ARV1: variants seen among roughly 807,000 people sequenced by gnomAD.
ARV1 encodes the protein ARV1 fatty acid homeostasis modulator.
Under a neutral mutation model 31.1 loss-of-function variants are expected in ARV1, and 26 were observed. The ratio of observed to expected loss-of-function variants is 0.84; its 90% CI spans 0.61 to 1.16. The LOEUF is 1.16. ARV1 is among the 50% of genes most tolerant of loss of function. The probability of loss-of-function intolerance (pLI) is 0.00; values close to 1 mark genes in which losing one functional copy is unlikely to be tolerated. For synonymous variants in ARV1, 117 were observed against 123.2 expected, an observed-to-expected ratio of 0.95 and a Z score of 0.34; for missense variants, 281 against 324.9, an observed-to-expected ratio of 0.86 and a Z score of 1.04.
chr1:230,985,789 T>C (rs1475214881), intron 1 of ARV1, among the ~76,000 whole-genome samples: 2 of 152,208 alleles, frequency 1.3e-5, no homozygotes, highest in Non-Finnish European at 2.9e-5. Flanking sequence ...AAGGGAGACC[T>C]ATCAAACAGC....
At chr1:230,980,324 C>A (rs1212254564) in intron 1 of ARV1, among the ~76,000 whole-genome samples, 1 of 132,968 alleles carries the variant, frequency 7.5e-6, no homozygotes, top group Non-Finnish European at 1.7e-5. Context: ...AATCTTATTT[C>A]GGTTTTTTTT....
chr1:230,994,260 G>A (rs540377463), intron 3 of ARV1, among the ~76,000 whole-genome samples: 10 of 152,312 alleles, frequency 6.6e-5, no homozygotes, highest in South Asian at 2.1e-4. Context: ...CCTGTGTGGC[G>A]CAAGAAATCT....
At chr1:230,995,700 T>G in intron 3 of ARV1, 60 bp from the exon 4 acceptor site, 1 of 1,315,232 alleles carries the variant, frequency 7.6e-7, no homozygotes. Flanking sequence ...TTTATTTGTT[T>G]TTAAGGGGAT....
Position 230,990,196 on chromosome 1 carries a change from C to A in ARV1, c.381C>A (p.Ala127=). Reference sequence around the variant, plus strand: ...TTCAAGATTCCAACCAGAATACTGCCCCTGATGACTTGATCAGATATGCTA... The same window carrying A: ...TTCAAGATTCCAACCAGAATACTGCACCTGATGACTTGATCAGATATGCTA... ...WQLQDSNQNT[A]PDDLIRYAKE... The change falls in exon 3 of 6, where the codon GCC becomes GCA. Residue 127 remains alanine (A), a synonymous_variant. Transcript: ENST00000310256. The A allele has an allele frequency of 6.2e-7, 1 of 1,613,104 alleles. No homozygotes were observed. Among genetic ancestry groups the A allele is most frequent in the Non-Finnish European group, 8.5e-7 (1 of 1,179,820 alleles).
chr1:230,983,317 C>G (rs1029433893), intron 1 of ARV1, among the ~76,000 whole-genome samples: 1 of 149,284 alleles, frequency 6.7e-6, no homozygotes, highest in Non-Finnish European at 1.5e-5. Flanking sequence ...GAGGCTGAGG[C>G]AGGAGAATCT....
chr1:230,996,009 T>C, intron 4 of ARV1, 25 bp downstream of exon 4: 1 of 1,581,802 alleles, frequency 6.3e-7, no homozygotes, highest in South Asian at 1.1e-5. Flanking sequence ...TTATTCTGCC[T>C]TCTCAGTTTT....
intron 1 of ARV1, among the ~76,000 whole-genome samples, chr1:230,983,562 C>T (rs560072213): frequency 2.0e-5 from 3 of 152,058 alleles, no homozygotes; most frequent in African/African-American, 2.4e-5. Flanking sequence ...CTACAGCATT[C>T]GGCTCCCACC....
At chr1:230,983,584 A>T (rs1678973318) in intron 1 of ARV1, among the ~76,000 whole-genome samples, 1 of 150,042 alleles carries the variant, frequency 6.7e-6, no homozygotes, top group Non-Finnish European at 1.5e-5. Context: ...TTGGGATCCT[A>T]GATGCAAAGA....
At chr1:230,985,344 G>C (rs938467337) in intron 1 of ARV1, among the ~76,000 whole-genome samples, 2 of 152,200 alleles carry the variant, frequency 1.3e-5, no homozygotes, top group Non-Finnish European at 2.9e-5. Flanking sequence ...TCTGATGACT[G>C]TGGTCATGAG....
chr1:230,995,690 T>A, intron 3 of ARV1, 70 bp from the exon 4 acceptor site: 1 of 1,166,460 alleles, frequency 8.6e-7, no homozygotes, highest in Non-Finnish European at 1.2e-6. Flanking sequence ...AGAATGGTGG[T>A]TTATTTGTTT....
At chr1:230,983,495 T>A (rs767140355) in intron 1 of ARV1, among the ~76,000 whole-genome samples, 1 of 152,140 alleles carries the variant, frequency 6.6e-6, no homozygotes, top group Non-Finnish European at 1.5e-5. Flanking sequence ...AATTCATTAT[T>A]ATGTTAACAA....
chr1:230,981,188 C>T (rs970048454), intron 1 of ARV1, among the ~76,000 whole-genome samples: 9 of 152,272 alleles, frequency 5.9e-5, no homozygotes, highest in Middle Eastern at 3.4e-3. Flanking sequence ...GCATAGTCAT[C>T]GTGCCTCTTT....
chr1:230,987,487 T>C (rs956193095), intron 1 of ARV1, among the ~76,000 whole-genome samples: 5 of 152,236 alleles, frequency 3.3e-5, no homozygotes, highest in African/African-American at 4.8e-5. Flanking sequence ...TTTTATGTTC[T>C]AGTGATGTTG....
rs1162209283 is a variant in ARV1, at chr1:230,986,668, A to ATTTTTTTTTTTTTTTTTTTTT, written c.175-1634_175-1614dup. On this transcript the variant is annotated intron_variant, in intron 1 of 5. Transcript: ENST00000310256. ...CACCCACAAATGTAATACTTTTCCT[A>ATTTTTTTTTTTTTTTTTTTTT]TTTTTTTTTTTTTTTTTTTTTTTTT... 2.1e-4 allele frequency among the ~76,000 whole-genome samples: 13 copies of ATTTTTTTTTTTTTTTTTTTTT among 62,354 alleles called. 1 individual carries two copies. The highest frequency in any genetic ancestry group is 1.9e-3 in the East Asian group (3 of 1,614). The allele number at this position is 62,354 out of a possible 152,430, so 40.9% of individuals were successfully genotyped here. A position where few individuals can be genotyped will look rare whatever the true frequency, so the allele number is the denominator to read the frequency against.
At chr1:230,993,764 A>G (rs1679291425) in intron 3 of ARV1, among the ~76,000 whole-genome samples, 1 of 152,130 alleles carries the variant, frequency 6.6e-6, no homozygotes. Flanking sequence ...GCATGGTGGC[A>G]TGTGCCTGTA....
chr1:230,982,154 T>G lies in ARV1; in HGVS notation c.174+2875T>G, dbSNP rs114251932. ...TATCACCCAGAACAGCGACTGACAT[T>G]TAGTAGCCACTCAGTAAATGTCTGT... On this transcript the variant is annotated intron_variant, in intron 1 of 5. Coordinates refer to ENST00000310256, the MANE Select transcript of ARV1 (RefSeq NM_022786.3). Among the ~76,000 whole-genome samples the G allele has an allele frequency of 5.8e-4, 88 of 152,360 alleles. 1 individual carries two copies. The highest frequency in any genetic ancestry group is 6.8e-3 in the Middle Eastern group (2 of 294).
At chr1:230,980,093 G>A (rs143145553) in intron 1 of ARV1, among the ~76,000 whole-genome samples, 2 of 152,298 alleles carry the variant, frequency 1.3e-5, no homozygotes, top group African/African-American at 4.8e-5. Context: ...GACAAACTGA[G>A]TGTATACCTG....
Position 230,997,109 on chromosome 1 carries a change from T to G in ARV1, c.674-12T>G. 4 of 1,612,510 alleles carry G rather than the reference T, an allele frequency of 2.5e-6. No individual in the cohort carries two copies. The highest frequency in any genetic ancestry group is 3.4e-6 in the Non-Finnish European group (4 of 1,179,492). On this transcript the variant is annotated splice_polypyrimidine_tract_variant and intron_variant, in intron 4 of 5. Transcript: ENST00000310256. ...TTAATTCTGAACTTATTGGCTGCCT[T>G]CTCCTTTCCAGTGACCCTAAACATC...
chr1:230,983,316 G>A (rs1398215159), intron 1 of ARV1, among the ~76,000 whole-genome samples: 1 of 151,122 alleles, frequency 6.6e-6, no homozygotes, highest in Non-Finnish European at 1.5e-5. Flanking sequence ...GGAGGCTGAG[G>A]CAGGAGAATC....
Sources: gnomAD v4.1 joint callset for allele counts (sites outside exome capture counted in the v4.1 genomes callset) on GRCh38, gnomAD v4.1.1 for gene constraint, MANE v1.5 for transcripts, NCBI Gene and HGNC (gene_info 2026-07-23, HGNC 2026-07-21) for gene names.